The following FERMT1 variants were observed in gnomAD, a reference collection of about 807,000 sequenced individuals.
The protein encoded by FERMT1 is FERM domain containing kindlin 1, also known as fermitin family homolog 1.
A neutral mutation model predicts 85.3 loss-of-function variants in FERMT1; 60 were observed. That is an observed-to-expected ratio of 0.70 (90% CI 0.57 to 0.87). The LOEUF (loss-of-function observed/expected upper bound fraction) is 0.87, where lower values mean the gene tolerates loss of function less well. Ranked by LOEUF, FERMT1 falls within the 40% of genes least tolerant of loss-of-function variation. The probability of loss-of-function intolerance (pLI) is 0.00; values close to 1 mark genes in which losing one functional copy is unlikely to be tolerated. For synonymous variants in FERMT1, 275 were observed against 301.1 expected (o/e 0.91, Z 0.90); for missense variants, 701 against 818.9 (o/e 0.86, Z 1.76).
intron 6 of FERMT1, among the ~76,000 whole-genome samples, chr20:6,101,702 G>T (rs1321990751): frequency 1.3e-5 from 2 of 152,128 alleles, no homozygotes; most frequent in African/African-American, 4.8e-5. Context: ...GCCCAGGCTG[G>T]AGTGCAATGG....
At chr20:6,110,859 A>C (rs1405981475) in intron 4 of FERMT1, among the ~76,000 whole-genome samples, 1 of 152,270 alleles carries the variant, frequency 6.6e-6, no homozygotes. Flanking sequence ...CTGTAAATTC[A>C]GCTCCTCAAA....
chr20:6,096,678 A>G (rs1027117048), intron 8 of FERMT1, among the ~76,000 whole-genome samples: 3 of 152,160 alleles, frequency 2.0e-5, no homozygotes, highest in Non-Finnish European at 2.9e-5. Flanking sequence ...GAAGAAATAT[A>G]ACACAAAAGT....
At position 6,076,245 on chromosome 20, in the gene FERMT1, G is replaced by A. The variant is rs1310709828; in HGVS notation, c.*928C>T. 2.9e-6 allele frequency: 1 copy of A among 343,116 alleles called. No individual in the cohort carries two copies. The highest frequency in any genetic ancestry group is 7.8e-5 in the East Asian group (1 of 12,876). 21.3% of individuals were successfully genotyped at this position (343,116 alleles called of 1,614,324 possible). On this transcript the variant is annotated 3_prime_UTR_variant, in exon 15 of 15. Coordinates refer to ENST00000217289, the MANE Select transcript of FERMT1 (RefSeq NM_017671.5). Reference sequence around the variant, plus strand: ...CATGGTGGTCTTTGAGAATGGGTCTGCCCTTCTCTCCCTGACCAGTTGGGA... The same window carrying A: ...CATGGTGGTCTTTGAGAATGGGTCTACCCTTCTCTCCCTGACCAGTTGGGA...
Position 6,076,996 on chromosome 20 carries a change from G to A in FERMT1, c.*177C>T. ...GCTCCTTCCGTGGCTGGTAGCACAG[G>A]GCAAAGTAAGGAAAGGGATGTGCCA... On this transcript the variant is annotated 3_prime_UTR_variant, in exon 15 of 15. Coordinates refer to ENST00000217289, the MANE Select transcript of FERMT1 (RefSeq NM_017671.5). 1.5e-6 allele frequency: 1 copy of A among 679,922 alleles called. No individual in the cohort carries two copies. The highest frequency in any genetic ancestry group is 2.6e-6 in the Non-Finnish European group (1 of 386,284). The allele number at this position is 679,922 out of a possible 1,614,324, so 42.1% of individuals were successfully genotyped here.
chr20:6,083,767 C>T (rs1387431699), intron 13 of FERMT1, among the ~76,000 whole-genome samples: 1 of 151,138 alleles, frequency 6.6e-6, no homozygotes, highest in Non-Finnish European at 1.5e-5. Context: ...GATGTTTACC[C>T]TCTGGTTTTG....
At chr20:6,078,193 C>T (rs565244087) in intron 14 of FERMT1, among the ~76,000 whole-genome samples, 13 of 152,186 alleles carry the variant, frequency 8.5e-5, no homozygotes, top group Non-Finnish European at 1.6e-4. Flanking sequence ...ATTTAACTGG[C>T]CTTGGGTGTG....
intron 3 of FERMT1, 22 bp from the exon 4 acceptor site, chr20:6,112,645 A>C (rs1024242146): frequency 9.5e-6 from 14 of 1,467,282 alleles, no homozygotes; most frequent in Non-Finnish European, 1.3e-5. Flanking sequence ...TATTTTTTAA[A>C]AATGAAGAAA....
chr20:6,096,824 T>A, intron 8 of FERMT1, 78 bp downstream of exon 8: 2 of 1,089,638 alleles, frequency 1.8e-6, no homozygotes, highest in Admixed American at 1.9e-5. Context: ...AAATATTCTC[T>A]TCTAATAAAG....
At chr20:6,081,654 A>G (rs984646114) in intron 13 of FERMT1, among the ~76,000 whole-genome samples, 7 of 152,180 alleles carry the variant, frequency 4.6e-5, no homozygotes, top group African/African-American at 1.7e-4. Context: ...GTAGGTACGT[A>G]CAATACATTC....
intron 9 of FERMT1, among the ~76,000 whole-genome samples, chr20:6,094,488 C>A (rs756153675): frequency 6.6e-6 from 1 of 152,236 alleles, no homozygotes; most frequent in African/African-American, 2.4e-5. Context: ...AAATTATAAG[C>A]CTTCAAATGG....
At chr20:6,100,681 A>C (rs927572801) in intron 6 of FERMT1, among the ~76,000 whole-genome samples, 37 of 152,348 alleles carry the variant, frequency 2.4e-4, no homozygotes, top group Middle Eastern at 3.4e-3. Context: ...ACATGAGGGA[A>C]TACTTTCTGT....
At chr20:6,101,647 ATGTT>A (rs1352111758) in intron 6 of FERMT1, among the ~76,000 whole-genome samples, 8 of 152,160 alleles carry the variant, frequency 5.3e-5, no homozygotes, top group Middle Eastern at 3.4e-3. Context: ...CTTTCTTATT[ATGTT>A]TGTTTGTTTA....
intron 13 of FERMT1, among the ~76,000 whole-genome samples, chr20:6,080,803 C>A (rs1981973489): frequency 6.6e-6 from 1 of 152,110 alleles, no homozygotes; most frequent in Non-Finnish European, 1.5e-5. Context: ...GGGGGAAGAT[C>A]CGGAACTTTG....
intron 11 of FERMT1, among the ~76,000 whole-genome samples, chr20:6,085,940 A>G (rs1396168356): frequency 6.6e-6 from 1 of 152,064 alleles, no homozygotes; most frequent in Non-Finnish European, 1.5e-5. Flanking sequence ...GGAGATCAAG[A>G]CCATCCTGGC....
In FERMT1 at chr20:6,106,112, G is replaced by C. The variant is rs1302957306; in HGVS notation, c.849+1420C>G. ...AAATTCACAGTAGAGTTAAAAAAAA[G>C]CCAAGCCAATTGCGTAGGAGAAGCA... On this transcript the variant is annotated intron_variant, in intron 6 of 14. Coordinates refer to ENST00000217289, the MANE Select transcript of FERMT1 (RefSeq NM_017671.5). 2.6e-5 allele frequency among the ~76,000 whole-genome samples: 4 copies of C among 152,200 alleles called. No homozygotes were observed. In the East Asian group the frequency reaches 7.7e-4, roughly 29 times the overall value.
rs267606039 is a variant in FERMT1, at chr20:6,084,111, G to A, written c.1647C>T (p.Val549=). The change falls in exon 13 of 15, where the codon GTC becomes GTT. Residue 549 remains valine (V), a synonymous_variant. Coordinates refer to ENST00000217289, the MANE Select transcript of FERMT1 (RefSeq NM_017671.5). Reference sequence around the variant, plus strand: ...CCTGGATGAACCGCAGCTTGGCTTCGACCAGGGGCATCTGGGCCACGTTCT... The same window carrying A: ...CCTGGATGAACCGCAGCTTGGCTTCAACCAGGGGCATCTGGGCCACGTTCT... ...AHQNVAQMPL[V]EAKLRFIQAW... The A allele has an allele frequency of 3.9e-5, 63 of 1,613,724 alleles. No homozygotes were observed. Among genetic ancestry groups the A allele is most frequent in the Non-Finnish European group, 5.1e-5 (60 of 1,179,902 alleles).
intron 6 of FERMT1, among the ~76,000 whole-genome samples, chr20:6,099,113 G>A (rs1982584804): frequency 6.6e-6 from 1 of 152,184 alleles, no homozygotes; most frequent in South Asian, 2.1e-4. Flanking sequence ...AAAAAGGAAT[G>A]AAATTCTGGC....
At chr20:6,094,789 G>A (rs992532382) in intron 9 of FERMT1, 150 bp downstream of exon 9, 18 of 665,668 alleles carry the variant, frequency 2.7e-5, no homozygotes, top group Non-Finnish European at 4.8e-5. Flanking sequence ...GTAGAGCTAC[G>A]ACTCAACCCA....
chr20:6,115,751 A>G (rs1983077607), intron 3 of FERMT1, 60 bp downstream of exon 3: 1 of 1,266,928 alleles, frequency 7.9e-7, no homozygotes. Context: ...TGCACACATA[A>G]TTTTCCTGTC....
Sources: allele counts gnomAD v4.1 joint callset (sites outside exome capture counted in the v4.1 genomes callset), GRCh38; gene constraint gnomAD v4.1.1; transcripts MANE v1.5; gene names NCBI Gene and HGNC (gene_info 2026-07-23, HGNC 2026-07-21).